The following ST8SIA2 variants were observed in gnomAD, a reference collection of about 807,000 sequenced individuals.
The protein encoded by ST8SIA2 is ST8 alpha-N-acetyl-neuraminide alpha-2,8-sialyltransferase 2.
Under a neutral mutation model 37.6 loss-of-function variants are expected in ST8SIA2, and 22 were observed. That is an observed-to-expected ratio of 0.58 (90% CI 0.42 to 0.83). The LOEUF is 0.83. Among genes scored for constraint, ST8SIA2 ranks in the 40% least tolerant of loss-of-function variants. ST8SIA2 has a pLI of 0.00. For synonymous variants in ST8SIA2, 205 were observed against 201.2 expected (o/e 1.02, Z -0.16); for missense variants, 382 against 484.7 (o/e 0.79, Z 1.99).
At chr15:92,439,249 T>G (rs1195384674) in intron 4 of ST8SIA2, among the ~76,000 whole-genome samples, 1 of 151,804 alleles carries the variant, frequency 6.6e-6, no homozygotes, top group Non-Finnish European at 1.5e-5. Context: ...GCCCTACTAG[T>G]GACTTTATTA....
In ST8SIA2 at chr15:92,468,542, T is replaced by G. The variant is rs983905764; in HGVS notation, c.*4157T>G. The G allele has an allele frequency of 2.0e-5, 3 of 152,704 alleles. No homozygotes were observed. The highest frequency in any genetic ancestry group is 4.4e-5 in the Non-Finnish European group (3 of 68,054). 9.5% of individuals were successfully genotyped at this position (152,704 alleles called of 1,614,324 possible). ...CCGTAGCACTTTATTTGTACCTTTC[T>G]CATGGCACTTACCATATTCTGCCTT... On this transcript the variant is annotated 3_prime_UTR_variant, in exon 6 of 6. Coordinates refer to ENST00000268164, the MANE Select transcript of ST8SIA2 (RefSeq NM_006011.4).
At chr15:92,461,761 G>A (rs947644830) in intron 5 of ST8SIA2, among the ~76,000 whole-genome samples, 1 of 152,136 alleles carries the variant, frequency 6.6e-6, no homozygotes, top group Non-Finnish European at 1.5e-5. Context: ...GGAGCAGGGA[G>A]AGATTTCGGA....
intron 1 of ST8SIA2, among the ~76,000 whole-genome samples, chr15:92,414,450 C>T (rs186185380): frequency 1.3e-5 from 2 of 152,356 alleles, no homozygotes; most frequent in Admixed American, 6.5e-5. Flanking sequence ...CTCACCTTTG[C>T]ACCTACTCCC....
chr15:92,427,650 C>T (rs548042785), intron 1 of ST8SIA2, among the ~76,000 whole-genome samples: 3 of 152,284 alleles, frequency 2.0e-5, no homozygotes, highest in Admixed American at 6.5e-5. Context: ...CCTGTTCTTA[C>T]CAGTTTCTTG....
intron 5 of ST8SIA2, among the ~76,000 whole-genome samples, chr15:92,450,121 G>A (rs1209541760): frequency 6.6e-6 from 1 of 152,172 alleles, no homozygotes; most frequent in Non-Finnish European, 1.5e-5. Flanking sequence ...ACCTAGAAAT[G>A]TAAAACATTT....
intron 1 of ST8SIA2, among the ~76,000 whole-genome samples, chr15:92,400,031 A>G (rs2049458737): frequency 6.6e-6 from 1 of 152,186 alleles, no homozygotes; most frequent in Non-Finnish European, 1.5e-5. Flanking sequence ...AAAATGTCCT[A>G]GGATTTCATA....
At chr15:92,412,663 G>A (rs1289246254) in intron 1 of ST8SIA2, among the ~76,000 whole-genome samples, 1 of 152,024 alleles carries the variant, frequency 6.6e-6, no homozygotes, top group African/African-American at 2.4e-5. Flanking sequence ...TGTTTTGTTT[G>A]TTTGTTTGTT....
chr15:92,462,123 C>T (rs760514568), intron 5 of ST8SIA2, among the ~76,000 whole-genome samples: 8 of 152,182 alleles, frequency 5.3e-5, no homozygotes, highest in Non-Finnish European at 1.2e-4. Flanking sequence ...AGGCTCCTGT[C>T]GTGCCCGGGA....
chr15:92,400,710 G>C (rs996622031), intron 1 of ST8SIA2, among the ~76,000 whole-genome samples: 6 of 152,160 alleles, frequency 3.9e-5, no homozygotes, highest in Admixed American at 1.3e-4. Context: ...TCTCCAGAGA[G>C]CCCTTTCCAG....
At chr15:92,452,155 C>A (rs2049886603) in intron 5 of ST8SIA2, among the ~76,000 whole-genome samples, 1 of 152,100 alleles carries the variant, frequency 6.6e-6, no homozygotes, top group African/African-American at 2.4e-5. Context: ...TACTGACAGT[C>A]CCACTTTACT....
chr15:92,409,108 C>A (rs963206926), intron 1 of ST8SIA2, among the ~76,000 whole-genome samples: 1 of 152,152 alleles, frequency 6.6e-6, no homozygotes, highest in Non-Finnish European at 1.5e-5. Flanking sequence ...CAGGCGAATC[C>A]GCAGTTCTAT....
At chr15:92,407,969 G>A (rs1418226680) in intron 1 of ST8SIA2, among the ~76,000 whole-genome samples, 1 of 152,154 alleles carries the variant, frequency 6.6e-6, no homozygotes. Context: ...TGAAGTTTAT[G>A]CAATGACATC....
intron 1 of ST8SIA2, among the ~76,000 whole-genome samples, chr15:92,395,823 G>A (rs915424270): frequency 1.3e-5 from 2 of 152,140 alleles, no homozygotes; most frequent in Non-Finnish European, 2.9e-5. Flanking sequence ...GGGAAGGCCC[G>A]GCGCTGCCCA....
At chr15:92,439,222 G>T (rs1164269470) in intron 4 of ST8SIA2, among the ~76,000 whole-genome samples, 1 of 151,266 alleles carries the variant, frequency 6.6e-6, no homozygotes, top group East Asian at 1.9e-4. Flanking sequence ...CTCTTTGTAA[G>T]TGTCTTGGGA....
intron 5 of ST8SIA2, among the ~76,000 whole-genome samples, chr15:92,451,682 A>G (rs1487982): frequency 0.2 from 30,077 of 152,142 alleles, 3,349 homozygotes; most frequent in Admixed American, 0.33. Context: ...GCTGAGGGGC[A>G]CATACTACCA....
chr15:92,460,863 T>C lies in ST8SIA2; in HGVS notation c.843-3237T>C, dbSNP rs115681221. On this transcript the variant is annotated intron_variant, in intron 5 of 5. Coordinates refer to ENST00000268164, the MANE Select transcript of ST8SIA2 (RefSeq NM_006011.4). ...GGCTCTTCCCCTTGCCATCTGAGTG[T>C]GTTGCTCAATCCTCGTGCCCTGTGT... is the stretch of plus-strand genomic sequence containing the variant. Among the ~76,000 whole-genome samples the C allele has an allele frequency of 2.3e-3, 346 of 152,266 alleles. 1 individual carries two copies. Among genetic ancestry groups the C allele is most frequent in the African/African-American group, 7.8e-3 (325 of 41,550 alleles).
chr15:92,424,559 T>C (rs985384048), intron 1 of ST8SIA2, among the ~76,000 whole-genome samples: 17 of 152,286 alleles, frequency 1.1e-4, no homozygotes, highest in Non-Finnish European at 1.9e-4. Flanking sequence ...TCGTTTACTG[T>C]GTACATTCTA....
intron 1 of ST8SIA2, among the ~76,000 whole-genome samples, chr15:92,422,919 C>G (rs1019350059): frequency 7.2e-5 from 11 of 152,188 alleles, no homozygotes; most frequent in African/African-American, 2.7e-4. Context: ...CCTTGCTCAT[C>G]TCTGTGATGT....
At chr15:92,428,936 C>T (rs1451119940) in intron 1 of ST8SIA2, among the ~76,000 whole-genome samples, 1 of 152,186 alleles carries the variant, frequency 6.6e-6, no homozygotes, top group Non-Finnish European at 1.5e-5. Flanking sequence ...TAAGCATGCA[C>T]ACACATGTGT....
Sources: allele counts gnomAD v4.1 joint callset (sites outside exome capture counted in the v4.1 genomes callset), GRCh38; gene constraint gnomAD v4.1.1; transcripts MANE v1.5; gene names NCBI Gene and HGNC (gene_info 2026-07-23, HGNC 2026-07-21).